TET3: variants seen among roughly 807,000 people sequenced by gnomAD.
TET3 encodes tet methylcytosine dioxygenase 3, also known as methylcytosine dioxygenase TET3.
A neutral mutation model predicts 141.4 loss-of-function variants in TET3; 19 were observed. The observed-to-expected ratio is 0.13, with a 90% CI of 0.09 to 0.20. The LOEUF is 0.20. Among genes scored for constraint, TET3 ranks in the 10% least tolerant of loss-of-function variants. The pLI is 1.00. For missense variants in TET3, 1,874 were observed against 2,356.9 expected (o/e 0.80, Z 4.24); for synonymous variants, 1,043 against 980.9 (o/e 1.06, Z -1.18).
chr2:74,106,109 C>T lies in TET3; in HGVS notation c.*3933C>T, dbSNP rs910488540. The stretch of plus-strand genomic sequence containing the variant: ...GTCTCTTGGCTTTTTTTTTTCCCTC[C>T]CCTCTTTTGGTGCTGTCTTAGACCC... On this transcript the variant is annotated 3_prime_UTR_variant, in exon 12 of 12. Coordinates refer to ENST00000409262, the MANE Select transcript of TET3 (RefSeq NM_001287491.2). 1 of 151,594 alleles carries T rather than the reference C, an allele frequency of 6.6e-6. No homozygotes were observed. Among genetic ancestry groups the T allele is most frequent in the Non-Finnish European group, 1.5e-5 (1 of 67,938 alleles). 9.4% of individuals were successfully genotyped at this position (151,594 alleles called of 1,614,324 possible).
intron 5 of TET3, among the ~76,000 whole-genome samples, chr2:74,076,460 T>G (rs900843615): frequency 6.8e-5 from 10 of 147,584 alleles, no homozygotes; most frequent in Non-Finnish European, 1.2e-4. Flanking sequence ...TTTTTTTTTT[T>G]TTTTTTTTTT....
At position 73,986,412 on chromosome 2, in the gene TET3, G is replaced by A; in HGVS notation, c.9G>A (p.Gln3=). 1.6e-6 allele frequency: 2 copies of A among 1,232,186 alleles called. No homozygotes were observed. Among genetic ancestry groups the A allele is most frequent in the Non-Finnish European group, 2.0e-6 (2 of 988,068 alleles). The allele number at this position is 1,232,186 out of a possible 1,614,324, so 76.3% of individuals were successfully genotyped here. MS[Q]FQVPLAVQPD... ...CCACCTCTGGCAGCATCATGAGCCAGTTTCAGGTGCCCCTGGCCGTCCAGC... is the reference window on the plus strand; with the variant it reads ...CCACCTCTGGCAGCATCATGAGCCAATTTCAGGTGCCCCTGGCCGTCCAGC... Residue 3 remains glutamine, a synonymous_variant, in exon 2 of 12, where the codon CAG becomes CAA. Coordinates refer to ENST00000409262, the MANE Select transcript of TET3 (RefSeq NM_001287491.2).
At chr2:74,061,155 C>G (rs1359057036) in intron 4 of TET3, among the ~76,000 whole-genome samples, 1 of 146,444 alleles carries the variant, frequency 6.8e-6, no homozygotes, top group Non-Finnish European at 1.5e-5. Flanking sequence ...TGACCCCCCC[C>G]ACTTCCCTCC....
Position 74,047,064 on chromosome 2 carries a change from C to A in TET3, c.1147C>A (p.Pro383Thr). 1 of 1,613,986 alleles carries A rather than the reference C, an allele frequency of 6.2e-7. No individual in the cohort carries two copies. Among genetic ancestry groups the A allele is most frequent in the Non-Finnish European group, 8.5e-7 (1 of 1,179,868 alleles). The change falls in exon 4 of 12, where the codon CCC (proline) becomes ACC (threonine). Residue 383 changes from proline (P) to threonine (T), a missense_variant. Transcript: ENST00000409262. ...PSHSTPQASC[P>T]LPEALSPPAP... ...TCATTCCACCCCCCAGGCTTCTTGC[C>A]CCCTTCCTGAGGCCTTGTCACCTCC... is the stretch of plus-strand genomic sequence containing the variant.
chr2:74,046,897 A>T lies in TET3; in HGVS notation c.980A>T (p.Glu327Val). The T allele has an allele frequency of 1.2e-6, 2 of 1,613,762 alleles. No homozygotes were observed. The highest frequency in any genetic ancestry group is 2.2e-5 in the East Asian group (1 of 44,854). Residue 327 changes from glutamate to valine, a missense_variant, in exon 4 of 12, where the codon GAG (glutamate) becomes GTG (valine). This residue lies in a region of TET3 where 366 missense variants were observed against 487.0 expected (regional missense o/e 0.75). Transcript: ENST00000409262. The surrounding 1 kb of genome is among the most constrained non-coding windows in gnomAD (Gnocchi z 4.3). ...AGCACCAGGCCACTCCTCAGCTCAGAGGTGCCCCAGATCTCTCCCCAAGAG... is the reference window on the plus strand; with the variant it reads ...AGCACCAGGCCACTCCTCAGCTCAGTGGTGCCCCAGATCTCTCCCCAAGAG... Reference protein sequence around the residue: ...APSTRPLLSSEVPQISPQEGL... With the variant: ...APSTRPLLSSVVPQISPQEGL...
At chr2:73,991,826 AAAG>A (rs1206813019) in intron 2 of TET3, among the ~76,000 whole-genome samples, 5 of 151,462 alleles carry the variant, frequency 3.3e-5, no homozygotes, top group South Asian at 2.1e-4. Flanking sequence ...AAAAAAAAAA[AAAG>A]AAGGAAACGC....
intron 4 of TET3, among the ~76,000 whole-genome samples, chr2:74,050,595 G>T (rs1687893260): frequency 6.6e-6 from 1 of 152,096 alleles, no homozygotes; most frequent in Non-Finnish European, 1.5e-5. Flanking sequence ...TGTTGCGGGG[G>T]CTGGAATGCA....
chr2:74,110,015 A>T (rs1691665252), downstream of TET3, among the ~76,000 whole-genome samples: 1 of 152,126 alleles, frequency 6.6e-6, no homozygotes, highest in South Asian at 2.1e-4. Flanking sequence ...ACCACATAAG[A>T]TATAAGGATA....
chr2:73,986,430 C>T lies in TET3; in HGVS notation c.27C>T (p.Ala9=). The part of the protein sequence containing the change: MSQFQVPL[A]VQPDLPGLYD... ...TGAGCCAGTTTCAGGTGCCCCTGGCCGTCCAGCCGGACCTGCCAGGCCTTT... is the reference window on the plus strand; with the variant it reads ...TGAGCCAGTTTCAGGTGCCCCTGGCTGTCCAGCCGGACCTGCCAGGCCTTT... Residue 9 remains alanine (A), a synonymous_variant, in exon 2 of 12, where the codon GCC becomes GCT. Coordinates refer to ENST00000409262, the MANE Select transcript of TET3 (RefSeq NM_001287491.2). The T allele has an allele frequency of 1.6e-6, 2 of 1,232,198 alleles. No homozygotes were observed. Among genetic ancestry groups the T allele is most frequent in the Non-Finnish European group, 2.0e-6 (2 of 988,070 alleles). The allele number at this position is 1,232,198 out of a possible 1,614,324, so 76.3% of individuals were successfully genotyped here.
intron 5 of TET3, among the ~76,000 whole-genome samples, chr2:74,076,441 G>GTTTTTT (rs70965785): frequency 3.5e-5 from 2 of 56,582 alleles, no homozygotes; most frequent in African/African-American, 6.2e-5. Context: ...ATTCCTCTGG[G>GTTTTTT]TTTTTTTTTT....
intron 4 of TET3, among the ~76,000 whole-genome samples, chr2:74,049,859 T>G (rs1407301807): frequency 6.6e-6 from 1 of 152,098 alleles, no homozygotes; most frequent in Admixed American, 6.5e-5. Context: ...TGAACAGATA[T>G]GCTGCCAGGC....
At chr2:74,034,482 A>G (rs1686919874) in intron 3 of TET3, among the ~76,000 whole-genome samples, 1 of 151,220 alleles carries the variant, frequency 6.6e-6, no homozygotes, top group South Asian at 2.1e-4. Flanking sequence ...TCTTCATTAT[A>G]TAAGTTTGCA....
intron 3 of TET3, among the ~76,000 whole-genome samples, chr2:74,012,736 T>G (rs959532274): frequency 2.6e-5 from 4 of 152,254 alleles, no homozygotes; most frequent in African/African-American, 4.8e-5. Flanking sequence ...TCCTTTCCAC[T>G]TTAATGTGAA....
intron 4 of TET3, among the ~76,000 whole-genome samples, chr2:74,073,019 C>G (rs1321751292): frequency 6.6e-6 from 1 of 152,208 alleles, no homozygotes; most frequent in Non-Finnish European, 1.5e-5. Context: ...GTTGTTTTCA[C>G]CTTTTAGTTG....
At chr2:74,049,743 C>T (rs1411640031) in intron 4 of TET3, among the ~76,000 whole-genome samples, 1 of 152,092 alleles carries the variant, frequency 6.6e-6, no homozygotes, top group Non-Finnish European at 1.5e-5. Flanking sequence ...TGTTCTGCCT[C>T]CTCCAGCTAC....
intron 3 of TET3, among the ~76,000 whole-genome samples, chr2:74,022,592 T>G (rs1158991880): frequency 6.6e-6 from 1 of 151,908 alleles, no homozygotes; most frequent in African/African-American, 2.4e-5. Flanking sequence ...CTTTTGGTTG[T>G]GCCAGACAGA....
chr2:74,116,801 G>A, the TET3 span, among the ~76,000 whole-genome samples: 1 of 152,048 alleles, frequency 6.6e-6, no homozygotes, highest in Non-Finnish European at 1.5e-5. Context: ...ATCTTGCCAG[G>A]TGTGGTGGCT....
intron 6 of TET3, among the ~76,000 whole-genome samples, chr2:74,086,255 G>A (rs959607872): frequency 6.6e-6 from 1 of 152,082 alleles, no homozygotes; most frequent in Non-Finnish European, 1.5e-5. Flanking sequence ...TCCTTCCCCA[G>A]CTCCCAGGCC....
At chr2:73,984,351 C>T (rs1315868362), upstream of TET3, among the ~76,000 whole-genome samples, 1 of 152,228 alleles carries the variant, frequency 6.6e-6, no homozygotes, top group Non-Finnish European at 1.5e-5. This position sits in a 1 kb window ranked among gnomAD's most constrained non-coding sequence, Gnocchi z 5.6. Flanking sequence ...AGCCTCTGCC[C>T]CCGAGCAACC....
Sources: allele counts gnomAD v4.1 joint callset (sites outside exome capture counted in the v4.1 genomes callset), GRCh38; gene constraint gnomAD v4.1.1; regional missense constraint gnomAD v4.1.1; non-coding constraint Gnocchi (gnomAD v3.1); transcripts MANE v1.5; gene names NCBI Gene and HGNC (gene_info 2026-07-23, HGNC 2026-07-21).